Variants in STIM1 observed in about 807,000 individuals in gnomAD.
STIM1 encodes the protein stromal interaction molecule 1.
A neutral mutation model predicts 74.7 loss-of-function variants in STIM1; 25 were observed. That is an observed-to-expected ratio of 0.33 (90% CI 0.24 to 0.47). The LOEUF is 0.47. Ranked by LOEUF, STIM1 falls within the 20% of genes least tolerant of loss-of-function variation. The pLI is 1.00. For missense variants in STIM1, 728 were observed against 920.8 expected (o/e 0.79, Z 2.71); for synonymous variants, 328 against 348.8 (o/e 0.94, Z 0.66).
rs562547721 is a variant in STIM1 at position 3,921,650 on chromosome 11, G to A, written c.140-45902G>A. The stretch of plus-strand genomic sequence containing the variant: ...TTTGATACTCTTTCCATCAAGGGGT[G>A]GAGTCTAATTCCTCTCCCCTTGAGC... On this transcript the variant is annotated intron_variant, in intron 1 of 12. Coordinates refer to ENST00000526596, the MANE Select transcript of STIM1 (RefSeq NM_001382567.1). Among the ~76,000 whole-genome samples, 6 of 148,498 alleles carry A rather than the reference G, an allele frequency of 4.0e-5. No homozygotes were observed. In the South Asian group the frequency reaches 6.3e-4, roughly 16 times the overall value.
At chr11:4,058,968 TA>T (rs1489016607) in intron 4 of STIM1, 1 of 1,168,210 alleles carries the variant, frequency 8.6e-7, no homozygotes, top group African/African-American at 1.6e-5. Flanking sequence ...ATGTAGAGGA[TA>T]AACCCTGGAA....
Position 4,091,984 on chromosome 11 carries a change from C to A in STIM1, c.*186C>A. The A allele has an allele frequency of 1.2e-6, 1 of 804,682 alleles. No individual in the cohort carries two copies. The highest frequency in any genetic ancestry group is 2.0e-6 in the Non-Finnish European group (1 of 507,042). The allele number at this position is 804,682 out of a possible 1,614,324, so 49.8% of individuals were successfully genotyped here. ...CCTTCATTATTATTTATTAACTGAC[C>A]ACCATGGCCTGCCTGCCCTGCCTCC... is the stretch of plus-strand genomic sequence containing the variant. On this transcript the variant is annotated 3_prime_UTR_variant, in exon 13 of 13. Coordinates refer to ENST00000526596, the MANE Select transcript of STIM1 (RefSeq NM_001382567.1).
chr11:4,021,276 C>T (rs554279069), intron 2 of STIM1, among the ~76,000 whole-genome samples: 1 of 152,154 alleles, frequency 6.6e-6, no homozygotes, highest in African/African-American at 2.4e-5. Context: ...CAGGCATGTG[C>T]CACCATGCCC....
chr11:4,064,587 A>G (rs2094353211), intron 5 of STIM1, among the ~76,000 whole-genome samples: 2 of 152,154 alleles, frequency 1.3e-5, no homozygotes, highest in Non-Finnish European at 1.5e-5. Context: ...CTGAGGCTTG[A>G]CATATCTTCA....
intron 1 of STIM1, among the ~76,000 whole-genome samples, chr11:3,885,951 C>T (rs1370830767): frequency 2.6e-5 from 4 of 152,082 alleles, no homozygotes; most frequent in Non-Finnish European, 4.4e-5. Flanking sequence ...TTCCAGTTTT[C>T]GATGTGAGTT....
chr11:3,960,408 G>A (rs987696567), intron 1 of STIM1, among the ~76,000 whole-genome samples: 2 of 152,114 alleles, frequency 1.3e-5, no homozygotes, highest in Admixed American at 6.5e-5. Flanking sequence ...TGAAATCAGT[G>A]GTGATATTAA....
At chr11:3,945,026 C>A (rs990255797) in intron 1 of STIM1, among the ~76,000 whole-genome samples, 2 of 152,188 alleles carry the variant, frequency 1.3e-5, no homozygotes, top group Non-Finnish European at 2.9e-5. Context: ...ACCAGGCTGT[C>A]TTACCATTGT....
intron 2 of STIM1, among the ~76,000 whole-genome samples, chr11:4,003,656 G>A (rs2093745164): frequency 6.6e-6 from 1 of 152,112 alleles, no homozygotes; most frequent in African/African-American, 2.4e-5. Context: ...AAAACTGGAA[G>A]CATTCCCTTT....
chr11:3,916,923 A>G (rs1166300307), intron 1 of STIM1, among the ~76,000 whole-genome samples: 1 of 152,180 alleles, frequency 6.6e-6, no homozygotes, highest in African/African-American at 2.4e-5. Flanking sequence ...CCCAATAGCT[A>G]TGGAAAGGTG....
chr11:4,059,203 G>C lies in STIM1; in HGVS notation c.498-78G>C. 3.2e-6 allele frequency: 4 copies of C among 1,234,444 alleles called. No individual in the cohort carries two copies. In the South Asian group the frequency reaches 3.7e-5, roughly 11 times the overall value. The allele number at this position is 1,234,444 out of a possible 1,614,324, so 76.5% of individuals were successfully genotyped here. A position where few individuals can be genotyped will look rare whatever the true frequency, so the allele number is the denominator to read the frequency against. ...TCACCAAGAGCTAGAAGTGTTCCTGGGGGAGGCGGGTAATCCTACCAGGAT... is the reference window on the plus strand; with the variant it reads ...TCACCAAGAGCTAGAAGTGTTCCTGCGGGAGGCGGGTAATCCTACCAGGAT... On this transcript the variant is annotated intron_variant, in intron 4 of 12. Coordinates refer to ENST00000526596, the MANE Select transcript of STIM1 (RefSeq NM_001382567.1).
intron 6 of STIM1, among the ~76,000 whole-genome samples, chr11:4,070,842 C>T (rs1042081399): frequency 6.6e-6 from 1 of 152,110 alleles, no homozygotes; most frequent in Non-Finnish European, 1.5e-5. Flanking sequence ...AGAGAGTGCC[C>T]GTCAGTCAGT....
chr11:4,088,703 G>A, intron 12 of STIM1: 1 of 1,535,788 alleles, frequency 6.5e-7, no homozygotes, highest in Non-Finnish European at 8.7e-7. Flanking sequence ...ACGCACCAGA[G>A]GATCATCTCT....
At position 4,091,496 on chromosome 11, in the gene STIM1, C is replaced by T; in HGVS notation, c.1849C>T (p.Leu617=). ...PALAKKALLA[L]NHGLDKAHSL... is the part of the protein sequence containing the mutation. Reference sequence around the variant, plus strand: ...CCTGGCCAAGAAGGCATTACTGGCGCTGAACCATGGGCTGGACAAGGCCCA... The same window carrying T: ...CCTGGCCAAGAAGGCATTACTGGCGTTGAACCATGGGCTGGACAAGGCCCA... Residue 617 remains leucine (L), a synonymous_variant, in exon 13 of 13, where the codon CTG becomes TTG. Coordinates refer to ENST00000526596, the MANE Select transcript of STIM1 (RefSeq NM_001382567.1). 1.9e-6 allele frequency: 3 copies of T among 1,614,194 alleles called. No individual in the cohort carries two copies. In the South Asian group the frequency reaches 3.3e-5, roughly 18 times the overall value.
intron 1 of STIM1, among the ~76,000 whole-genome samples, chr11:3,932,195 C>T (rs376730730): frequency 2.0e-3 from 310 of 152,304 alleles, no homozygotes; most frequent in East Asian, 5.0e-3. Flanking sequence ...ATGTAAGCCC[C>T]TAATAAAACC....
At position 4,082,256 on chromosome 11, in the gene STIM1, C is replaced by G; in HGVS notation, c.1042C>G (p.Gln348Glu). The G allele has an allele frequency of 6.2e-7, 1 of 1,614,034 alleles. No homozygotes were observed. The highest frequency in any genetic ancestry group is 8.5e-7 in the Non-Finnish European group (1 of 1,180,032). ...CTCATGGTATGCTCCAGAGGCCCTT[C>G]AGAAGTGGCTGCAGCTGACACATGA... ...HSSWYAPEAL[Q>E]KWLQLTHEVE... The change falls in exon 8 of 13, where the codon CAG becomes GAG. Residue 348 changes from glutamine to glutamate, a missense_variant. Transcript: ENST00000526596.
At chr11:4,061,679 A>C (rs2094331792) in intron 5 of STIM1, among the ~76,000 whole-genome samples, 1 of 152,224 alleles carries the variant, frequency 6.6e-6, no homozygotes, top group Admixed American at 6.5e-5. Context: ...TACTCAAACA[A>C]GTACATGTAC....
intron 5 of STIM1, among the ~76,000 whole-genome samples, chr11:4,060,220 A>G (rs2094321289): frequency 6.6e-6 from 1 of 152,176 alleles, no homozygotes; most frequent in Admixed American, 6.5e-5. Context: ...AAGTTAACCA[A>G]GGGGGAGCAA....
At chr11:3,898,170 C>T (rs2092244184) in intron 1 of STIM1, among the ~76,000 whole-genome samples, 1 of 151,268 alleles carries the variant, frequency 6.6e-6, no homozygotes, top group African/African-American at 2.4e-5. Flanking sequence ...TCCTCTCCAG[C>T]ACCTGTTGTT....
intron 3 of STIM1, among the ~76,000 whole-genome samples, chr11:4,032,715 A>G (rs1294010967): frequency 6.6e-6 from 1 of 152,214 alleles, no homozygotes; most frequent in East Asian, 1.9e-4. Flanking sequence ...GGTCTTTCAC[A>G]TTTAGAACTT....
Sources: allele counts gnomAD v4.1 joint callset (sites outside exome capture counted in the v4.1 genomes callset), GRCh38; gene constraint gnomAD v4.1.1; transcripts MANE v1.5; gene names NCBI Gene and HGNC (gene_info 2026-07-23, HGNC 2026-07-21).